LCOR: variants seen among roughly 807,000 people sequenced by gnomAD.
LCOR encodes the protein ligand dependent nuclear receptor corepressor, also known as ligand-dependent corepressor.
In LCOR, 14 loss-of-function variants were observed where a neutral mutation model predicts 64.4. The ratio of observed to expected loss-of-function variants is 0.22; its 90% CI spans 0.14 to 0.34. LCOR has a LOEUF of 0.34. LCOR is among the 10% of genes least tolerant of loss of function. The probability of loss-of-function intolerance (pLI) is 1.00; values close to 1 mark genes in which losing one functional copy is unlikely to be tolerated. For missense variants in LCOR, 1,686 were observed against 1,765.3 expected, an observed-to-expected ratio of 0.96 and a Z score of 0.80; for synonymous variants, 643 against 642.5, an observed-to-expected ratio of 1.00 and a Z score of -0.01.
chr10:96,921,203 T>G (rs369565454), intron 4 of LCOR, among the ~76,000 whole-genome samples: 11 of 152,310 alleles, frequency 7.2e-5, no homozygotes, highest in African/African-American at 2.4e-4. Context: ...AATTTATTTT[T>G]TCACTCTGTT....
intron 7 of LCOR, 60 bp from the exon 8 acceptor site, chr10:96,980,733 G>A: frequency 1.6e-6 from 1 of 612,948 alleles, no homozygotes; most frequent in Non-Finnish European, 2.9e-6. Context: ...ATTTTATAAT[G>A]TAAAAATGGT....
intron 2 of LCOR, among the ~76,000 whole-genome samples, chr10:96,878,458 A>C (rs1007741678): frequency 5.9e-5 from 9 of 152,228 alleles, no homozygotes; most frequent in African/African-American, 2.2e-4. Context: ...GTGGAAAGTA[A>C]GAAGAGAGAA....
chr10:96,864,799 A>G (rs780584579), intron 2 of LCOR, among the ~76,000 whole-genome samples: 1 of 152,236 alleles, frequency 6.6e-6, no homozygotes, highest in Non-Finnish European at 1.5e-5. Flanking sequence ...GTGACATGCT[A>G]TAGGTTTGTA....
Position 96,989,391 on chromosome 10 carries a change from A to AAT in LCOR, c.*4257_*4258insAT, listed in dbSNP as rs1164754699. The AAT allele has an allele frequency of 7.2e-5, 11 of 152,302 alleles. No homozygotes were observed. The highest frequency in any genetic ancestry group is 1.3e-4 in the Non-Finnish European group (9 of 68,016). The allele number at this position is 152,302 out of a possible 1,614,324, so 9.4% of individuals were successfully genotyped here. On this transcript the variant is annotated 3_prime_UTR_variant, in exon 8 of 8. Coordinates refer to ENST00000421806, the MANE Select transcript of LCOR (RefSeq NM_001346516.2). ...TTGAGACTACTTTAGTTGGACTTTT[A>AAT]GTCCTCTGAATGTCACATTTAGATA...
chr10:96,867,479 C>G (rs1415423844), intron 2 of LCOR, among the ~76,000 whole-genome samples: 1 of 152,062 alleles, frequency 6.6e-6, no homozygotes, highest in Non-Finnish European at 1.5e-5. Context: ...TACCAATAGT[C>G]CCAGCTACTC....
At chr10:96,832,776 C>T (rs1200066930) in intron 1 of LCOR, among the ~76,000 whole-genome samples, 1 of 150,798 alleles carries the variant, frequency 6.6e-6, no homozygotes, top group Non-Finnish European at 1.5e-5. Context: ...GGCGACTCGC[C>T]TCGCGGCGCT....
At chr10:96,947,753 G>A (rs1847613448) in intron 5 of LCOR, among the ~76,000 whole-genome samples, 1 of 151,456 alleles carries the variant, frequency 6.6e-6, no homozygotes, top group Non-Finnish European at 1.5e-5. Flanking sequence ...TTTTTTAAAG[G>A]ACTATTTCAT....
rs1425754777 is a variant in LCOR, at chr10:96,961,128, A to G, written c.332+8932A>G. On this transcript the variant is annotated intron_variant, in intron 7 of 7. Coordinates refer to ENST00000421806, the MANE Select transcript of LCOR (RefSeq NM_001346516.2). ...TGCCCTATAATACTAAAAATGAGTC[A>G]CAAGATAATGTGGTGAAGTTAGGCC... 1.3e-5 allele frequency: 2 copies of G among 152,174 alleles called. 1 individual carries two copies. The highest frequency in any genetic ancestry group is 2.9e-5 in the Non-Finnish European group (2 of 68,002). 9.4% of individuals were successfully genotyped at this position (152,174 alleles called of 1,614,324 possible). A position where few individuals can be genotyped will look rare whatever the true frequency, so the allele number is the denominator to read the frequency against.
chr10:96,966,548 T>C (rs1186678117), intron 7 of LCOR, among the ~76,000 whole-genome samples: 3 of 152,096 alleles, frequency 2.0e-5, no homozygotes, highest in African/African-American at 7.2e-5. Flanking sequence ...ACAAACACTA[T>C]TCAAATATAA....
At chr10:96,858,341 G>A in intron 2 of LCOR, among the ~76,000 whole-genome samples, 1 of 152,152 alleles carries the variant, frequency 6.6e-6, no homozygotes. Flanking sequence ...ATTAAGTAAA[G>A]GTCTGGGGAT....
rs1053341108 is a variant in LCOR at position 96,992,652 on chromosome 10, C to G, written c.*7518C>G. On this transcript the variant is annotated 3_prime_UTR_variant, in exon 8 of 8. Transcript: ENST00000421806. Reference sequence around the variant, plus strand: ...ATGGCATCGGGTGTGCCCCACGCAGCCTACTTCTTGCATGCACAGTTGGTA... The same window carrying G: ...ATGGCATCGGGTGTGCCCCACGCAGGCTACTTCTTGCATGCACAGTTGGTA... 2.0e-5 allele frequency: 3 copies of G among 152,226 alleles called. No homozygotes were observed. The highest frequency in any genetic ancestry group is 2.9e-5 in the Non-Finnish European group (2 of 68,058). The allele number at this position is 152,226 out of a possible 1,614,324, so 9.4% of individuals were successfully genotyped here.
rs955742464 is a variant in LCOR at position 96,991,978 on chromosome 10, A to G, written c.*6844A>G. 2.6e-5 allele frequency: 4 copies of G among 152,188 alleles called. No homozygotes were observed. The highest frequency in any genetic ancestry group is 5.9e-5 in the Non-Finnish European group (4 of 68,048). The allele number at this position is 152,188 out of a possible 1,614,324, so 9.4% of individuals were successfully genotyped here. ...AGTTGTTGGGTTTAAATGCTATTCAATTTATCCACTTTTTTTTAAACCCCA... is the reference window on the plus strand; with the variant it reads ...AGTTGTTGGGTTTAAATGCTATTCAGTTTATCCACTTTTTTTTAAACCCCA... On this transcript the variant is annotated 3_prime_UTR_variant, in exon 8 of 8. Coordinates refer to ENST00000421806, the MANE Select transcript of LCOR (RefSeq NM_001346516.2).
chr10:96,872,789 C>T (rs1000010299), intron 2 of LCOR, among the ~76,000 whole-genome samples: 10 of 152,190 alleles, frequency 6.6e-5, no homozygotes, highest in Non-Finnish European at 1.5e-4. Context: ...ACAATAATAG[C>T]CTTAGTGTTT....
At chr10:96,939,549 G>T (rs1001457085) in intron 4 of LCOR, among the ~76,000 whole-genome samples, 4 of 152,074 alleles carry the variant, frequency 2.6e-5, no homozygotes, top group Non-Finnish European at 4.4e-5. Context: ...CAAATAATAA[G>T]AAAACTCAAA....
chr10:96,840,203 G>A (rs949709051), intron 2 of LCOR, among the ~76,000 whole-genome samples: 1 of 152,150 alleles, frequency 6.6e-6, no homozygotes, highest in Admixed American at 6.5e-5. Flanking sequence ...AGTTAGGAAA[G>A]CTGTGTAGTA....
rs988086783 is a variant in LCOR, at chr10:96,993,762, A to G, written c.*8628A>G. ...TTATGTTATATTATATATATATATT[A>G]TATATATATATATACAGGTGTATGA... On this transcript the variant is annotated 3_prime_UTR_variant, in exon 8 of 8. Transcript: ENST00000421806. 7.5e-6 allele frequency: 1 copy of G among 133,910 alleles called. No individual in the cohort carries two copies. The highest frequency in any genetic ancestry group is 1.5e-5 in the Non-Finnish European group (1 of 66,602). 8.3% of individuals were successfully genotyped at this position (133,910 alleles called of 1,614,324 possible). A position where few individuals can be genotyped will look rare whatever the true frequency, so the allele number is the denominator to read the frequency against.
chr10:96,980,741 G>T (rs1848076594), intron 7 of LCOR, 52 bp from the exon 8 acceptor site: 1 of 615,994 alleles, frequency 1.6e-6, no homozygotes, highest in Non-Finnish European at 2.9e-6. Context: ...ATGTAAAAAT[G>T]GTTCTTTGGT....
chr10:96,848,547 A>C (rs555247666), intron 2 of LCOR, among the ~76,000 whole-genome samples: 2 of 152,224 alleles, frequency 1.3e-5, no homozygotes, highest in East Asian at 3.9e-4. Context: ...AATCCCAGCT[A>C]CTCAGGAGGC....
intron 2 of LCOR, among the ~76,000 whole-genome samples, chr10:96,843,045 GTTT>G (rs1235657223): frequency 6.6e-6 from 1 of 152,028 alleles, no homozygotes; most frequent in Non-Finnish European, 1.5e-5. Flanking sequence ...TGTTTTTCAC[GTTT>G]TTTTATTGTT....
Sources: gnomAD v4.1 joint callset for allele counts (sites outside exome capture counted in the v4.1 genomes callset) on GRCh38, gnomAD v4.1.1 for gene constraint, MANE v1.5 for transcripts, NCBI Gene and HGNC (gene_info 2026-07-23, HGNC 2026-07-21) for gene names.